C1GALT1: variants seen among roughly 807,000 people sequenced by gnomAD.
C1GALT1 encodes glycoprotein-N-acetylgalactosamine 3-beta-galactosyltransferase 1.
C1GALT1 carries 11 observed loss-of-function variants against 31.0 expected under a neutral mutation model. The observed-to-expected ratio is 0.36, with a 90% CI of 0.22 to 0.59. The LOEUF is 0.59. C1GALT1 is among the 20% of genes least tolerant of loss of function. The probability of loss-of-function intolerance (pLI) is 0.79; values close to 1 mark genes in which losing one functional copy is unlikely to be tolerated. For synonymous variants in C1GALT1, 175 were observed against 143.6 expected (o/e 1.22, Z -1.56); for missense variants, 424 against 425.2 (o/e 1.00, Z 0.03).
rs765724131 is a variant in C1GALT1, at chr7:7,238,355, C to T, written c.321C>T (p.Val107=). The part of the protein sequence containing the change: ...PQNLEKKAKH[V]KATWAQRCNK... ...ACCTAGAGAAAAAGGCCAAACACGT[C>T]AAAGCTACTTGGGCCCAGCGTTGTA... Residue 107 remains valine, a synonymous_variant, in exon 3 of 4, where the codon GTC becomes GTT. Coordinates refer to ENST00000436587, the MANE Select transcript of C1GALT1 (RefSeq NM_020156.5). This position sits in a 1 kb window ranked among gnomAD's most constrained non-coding sequence, Gnocchi z 5.2. 10 of 1,613,970 alleles carry T rather than the reference C, an allele frequency of 6.2e-6. No homozygotes were observed. In the African/African-American group the frequency reaches 1.2e-4, roughly 19 times the overall value.
At chr7:7,162,465 A>G (rs1471204740) in intron 2 of C1GALT1, among the ~76,000 whole-genome samples, 2 of 151,490 alleles carry the variant, frequency 1.3e-5, no homozygotes, top group Non-Finnish European at 1.5e-5. Context: ...TTATGGCTGC[A>G]TGGTATTCCA....
intron 1 of C1GALT1, among the ~76,000 whole-genome samples, chr7:7,183,807 T>G (rs1323172939): frequency 6.6e-6 from 1 of 152,182 alleles, no homozygotes; most frequent in Non-Finnish European, 1.5e-5. Context: ...CTTTTAACGC[T>G]TTTTTAAGAT....
In C1GALT1 at chr7:7,244,028, G is replaced by A. The variant is rs774424319; in HGVS notation, c.*301G>A. 2 of 192,730 alleles carry A rather than the reference G, an allele frequency of 1.0e-5. No homozygotes were observed. The highest frequency in any genetic ancestry group is 2.8e-4 in the East Asian group (2 of 7,122). The allele number at this position is 192,730 out of a possible 1,614,324, so 11.9% of individuals were successfully genotyped here. A position where few individuals can be genotyped will look rare whatever the true frequency, so the allele number is the denominator to read the frequency against. On this transcript the variant is annotated 3_prime_UTR_variant, in exon 4 of 4. Transcript: ENST00000436587. ...TTTGTTGCCTGTTTTCTGACCATCT[G>A]TGTTATTGTCACTGAGAAACTAAAA...
At chr7:7,224,700 G>A (rs1782673025) in intron 1 of C1GALT1, among the ~76,000 whole-genome samples, 1 of 152,040 alleles carries the variant, frequency 6.6e-6, no homozygotes, top group African/African-American at 2.4e-5. Context: ...TATTATTCCT[G>A]CTATTGGTAG....
chr7:7,209,243 G>A (rs1781885716), intron 1 of C1GALT1, among the ~76,000 whole-genome samples: 1 of 152,044 alleles, frequency 6.6e-6, no homozygotes. Flanking sequence ...ATTATAAGTC[G>A]CATATTATCT....
At chr7:7,213,759 C>G (rs1428238874) in intron 1 of C1GALT1, among the ~76,000 whole-genome samples, 1 of 152,168 alleles carries the variant, frequency 6.6e-6, no homozygotes, top group Admixed American at 6.5e-5. Flanking sequence ...ATTTTATCCA[C>G]TTTGACCATG....
chr7:7,216,322 G>A (rs559623197), intron 1 of C1GALT1, among the ~76,000 whole-genome samples: 60 of 152,152 alleles, frequency 3.9e-4, no homozygotes, highest in Admixed American at 3.1e-3. Flanking sequence ...TCTGGATTCC[G>A]GCACCTTCTT....
chr7:7,211,094 A>C (rs1022151515), intron 1 of C1GALT1, among the ~76,000 whole-genome samples: 3 of 152,158 alleles, frequency 2.0e-5, no homozygotes, highest in Non-Finnish European at 4.4e-5. Flanking sequence ...GGGTTGATCT[A>C]AGGATCCTCG....
intron 1 of C1GALT1, among the ~76,000 whole-genome samples, chr7:7,189,875 G>A (rs918738605): frequency 6.6e-6 from 1 of 151,328 alleles, no homozygotes; most frequent in African/African-American, 2.4e-5. Context: ...GATCCAGCTG[G>A]TTTTGTTTTT....
intron 1 of C1GALT1, among the ~76,000 whole-genome samples, chr7:7,218,042 A>G (rs77976916): frequency 6.6e-6 from 1 of 152,174 alleles, no homozygotes; most frequent in Non-Finnish European, 1.5e-5. Context: ...TAAAGGTGTA[A>G]ATGAAGGAAT....
chr7:7,232,313 TA>T (rs1423928522), intron 1 of C1GALT1, among the ~76,000 whole-genome samples: 1 of 152,082 alleles, frequency 6.6e-6, no homozygotes, highest in Non-Finnish European at 1.5e-5. Context: ...GTTTTGTTTT[TA>T]TTATTGTAGT....
chr7:7,224,132 T>A (rs2128243918), intron 1 of C1GALT1, among the ~76,000 whole-genome samples: 1 of 152,334 alleles, frequency 6.6e-6, no homozygotes, highest in South Asian at 2.1e-4. Context: ...TTTTACATAA[T>A]GCTGAATTCT....
intron 1 of C1GALT1, among the ~76,000 whole-genome samples, chr7:7,208,297 A>AT (rs545248097): frequency 2.7e-4 from 41 of 152,106 alleles, no homozygotes; most frequent in African/African-American, 9.9e-4. Flanking sequence ...TATTGTCATG[A>AT]TTTTTTTTAT....
At chr7:7,225,556 ATTTATT>A (rs1333931538) in intron 1 of C1GALT1, among the ~76,000 whole-genome samples, 1 of 152,172 alleles carries the variant, frequency 6.6e-6, no homozygotes, top group Non-Finnish European at 1.5e-5. Context: ...TACTTAATAA[ATTTATT>A]TTTGTTTGTT....
intron 3 of C1GALT1, 84 bp downstream of exon 3, chr7:7,239,006 C>T: frequency 3.7e-6 from 4 of 1,093,462 alleles, no homozygotes; most frequent in Non-Finnish European, 5.2e-6. Flanking sequence ...GTGTATGTTT[C>T]TTTAGTACCA....
intron 2 of C1GALT1, among the ~76,000 whole-genome samples, chr7:7,171,909 C>T (rs1780457690): frequency 6.6e-6 from 1 of 152,098 alleles, no homozygotes; most frequent in Non-Finnish European, 1.5e-5. Flanking sequence ...TGTCTTTTTA[C>T]ATCTTTAACA....
intron 2 of C1GALT1, among the ~76,000 whole-genome samples, chr7:7,160,264 C>T (rs1780319961): frequency 6.6e-6 from 1 of 152,090 alleles, no homozygotes; most frequent in Admixed American, 6.6e-5. Context: ...CCTTTACCTT[C>T]CATCTAGATC....
At chr7:7,225,022 G>C (rs1782690454) in intron 1 of C1GALT1, among the ~76,000 whole-genome samples, 1 of 129,896 alleles carries the variant, frequency 7.7e-6, no homozygotes, top group Non-Finnish European at 1.6e-5. Context: ...GTGTCCATAT[G>C]TCCTCTGTGT....
chr7:7,206,326 T>C (rs1439132916), intron 1 of C1GALT1, among the ~76,000 whole-genome samples: 13 of 152,158 alleles, frequency 8.5e-5, no homozygotes, highest in Non-Finnish European at 1.9e-4. Flanking sequence ...AGTTATTATC[T>C]AGTATTCTTT....
Sources: gnomAD v4.1 joint callset for allele counts (sites outside exome capture counted in the v4.1 genomes callset) on GRCh38, gnomAD v4.1.1 for gene constraint, Gnocchi (gnomAD v3.1) non-coding constraint, MANE v1.5 for transcripts, NCBI Gene and HGNC (gene_info 2026-07-23, HGNC 2026-07-21) for gene names.